MAST2: variants seen among roughly 807,000 people sequenced by gnomAD.
MAST2 encodes microtubule-associated serine/threonine-protein kinase 2.
In MAST2, 70 loss-of-function variants were observed where a neutral mutation model predicts 147.4. The ratio of observed to expected loss-of-function variants is 0.47; its 90% CI spans 0.39 to 0.58. The LOEUF (loss-of-function observed/expected upper bound fraction) is 0.58, where lower values mean the gene tolerates loss of function less well. MAST2 is among the 20% of genes least tolerant of loss of function. MAST2 has a pLI of 0.00. For missense variants in MAST2, 2,080 were observed against 2,302.3 expected (o/e 0.90, Z 1.98); for synonymous variants, 869 against 896.8 (o/e 0.97, Z 0.55).
intron 5 of MAST2, among the ~76,000 whole-genome samples, chr1:45,989,365 G>A (rs137864703): frequency 6.6e-6 from 1 of 152,142 alleles, no homozygotes. Context: ...ACTTTATCAA[G>A]TTGAGTTCAG....
rs1442315473 is a variant in MAST2, at chr1:46,032,343, T to C, written c.3353T>C (p.Leu1118Pro). ...GCTGGCAAGAAGTATGGCTTCACCC[T>C]GCGGGCCATTCGCGTCTACATGGGT... is the stretch of plus-strand genomic sequence containing the variant. ...HRAGKKYGFT[L>P]RAIRVYMGDS... The change falls in exon 25 of 29, where the codon CTG becomes CCG. Residue 1118 changes from leucine (L) to proline (P), a missense_variant. By Grantham distance (98) the Leu-to-Pro change is moderately conservative (BLOSUM62 -3). Around this residue, in one of 4 missense-constraint regions of MAST2, gnomAD observed 1,278 missense variants for 1,304.2 expected, o/e 0.98. Transcript: ENST00000361297. 1.9e-6 allele frequency: 3 copies of C among 1,614,232 alleles called. No individual in the cohort carries two copies. In the East Asian group the frequency reaches 6.7e-5, roughly 36 times the overall value.
intron 5 of MAST2, among the ~76,000 whole-genome samples, chr1:45,994,976 C>CT (rs1341983937): frequency 1.3e-5 from 2 of 151,892 alleles, no homozygotes; most frequent in Non-Finnish European, 2.9e-5. Context: ...ATATCTGGGA[C>CT]TACAGGCGCC....
At position 46,023,679 on chromosome 1, in the gene MAST2, T is replaced by G; in HGVS notation, c.1572-93T>G. 8.8e-7 allele frequency: 1 copy of G among 1,137,172 alleles called. No individual in the cohort carries two copies. Among genetic ancestry groups the G allele is most frequent in the Admixed American group, 2.1e-5 (1 of 48,504 alleles). 70.4% of individuals were successfully genotyped at this position (1,137,172 alleles called of 1,614,324 possible). A position where few individuals can be genotyped will look rare whatever the true frequency, so the allele number is the denominator to read the frequency against. ...GCCCTTGCCCCCTTGTTCTGTGCAT[T>G]AATTAAGGTGTGAGAGAAGGCAGTT... On this transcript the variant is annotated intron_variant, in intron 14 of 28. Coordinates refer to ENST00000361297, the MANE Select transcript of MAST2 (RefSeq NM_015112.3). The surrounding 1 kb of genome is among the most constrained non-coding windows in gnomAD (Gnocchi z 4.9).
At position 45,959,505 on chromosome 1, in the gene MAST2, G is replaced by A. The variant is rs748945836; in HGVS notation, c.592+28G>A. On this transcript the variant is annotated intron_variant, in intron 5 of 28. Transcript: ENST00000361297. ...GAGTGCTTGAAGGTTAAGAAAGGTT[G>A]AATGAAAGAGTGGCCACAGATGCCC... is the stretch of plus-strand genomic sequence containing the variant. 6 of 1,590,738 alleles carry A rather than the reference G, an allele frequency of 3.8e-6. No homozygotes were observed. In the African/African-American group the frequency reaches 8.1e-5, roughly 21 times the overall value.
intron 8 of MAST2, among the ~76,000 whole-genome samples, chr1:46,007,345 G>A (rs1645527905): frequency 6.6e-6 from 1 of 152,180 alleles, no homozygotes; most frequent in South Asian, 2.1e-4. Flanking sequence ...TGTAGAGATT[G>A]ATGAAGATGG....
chr1:45,867,668 G>A (rs1646210936), intron 3 of MAST2, among the ~76,000 whole-genome samples: 1 of 152,190 alleles, frequency 6.6e-6, no homozygotes, highest in Admixed American at 6.5e-5. Flanking sequence ...AGGGGTGATA[G>A]CAGTGGACGA....
chr1:46,009,204 G>A (rs1211132894), intron 9 of MAST2, among the ~76,000 whole-genome samples: 21 of 152,218 alleles, frequency 1.4e-4, no homozygotes, highest in Admixed American at 9.2e-4. Flanking sequence ...ACAGGCATGC[G>A]CCACCACGCC....
At chr1:45,873,218 G>T (rs976981283) in intron 3 of MAST2, among the ~76,000 whole-genome samples, 7 of 149,872 alleles carry the variant, frequency 4.7e-5, no homozygotes, top group Non-Finnish European at 7.4e-5. Flanking sequence ...TTTTGAGACA[G>T]GGTCTTGCTC....
chr1:46,012,117 GGT>G (rs1187241032), intron 10 of MAST2, among the ~76,000 whole-genome samples: 65 of 152,154 alleles, frequency 4.3e-4, no homozygotes, highest in Admixed American at 9.2e-4. Context: ...GAAAATCACT[GGT>G]AGCTGTTTGT....
At chr1:45,982,197 C>A (rs1481382555) in intron 5 of MAST2, among the ~76,000 whole-genome samples, 1 of 152,068 alleles carries the variant, frequency 6.6e-6, no homozygotes, top group East Asian at 1.9e-4. Flanking sequence ...ATAGAGAAAA[C>A]CCAATAAAAG....
At chr1:45,921,650 C>T (rs534497380) in intron 4 of MAST2, among the ~76,000 whole-genome samples, 1 of 152,296 alleles carries the variant, frequency 6.6e-6, no homozygotes, top group South Asian at 2.1e-4. Flanking sequence ...AAGCAACTTC[C>T]ACAGCTGGCA....
At chr1:45,827,808 T>C (rs1644838044) in intron 2 of MAST2, among the ~76,000 whole-genome samples, 1 of 152,186 alleles carries the variant, frequency 6.6e-6, no homozygotes, top group Non-Finnish European at 1.5e-5. Flanking sequence ...ACATGCATTA[T>C]GTCAAAGTGA....
intron 1 of MAST2, among the ~76,000 whole-genome samples, chr1:45,806,185 T>G: frequency 6.6e-6 from 1 of 152,340 alleles, no homozygotes. Flanking sequence ...AGCACTACTC[T>G]TTTACAGATG....
At chr1:45,912,802 TTAGAC>T (rs1012709514) in intron 4 of MAST2, among the ~76,000 whole-genome samples, 9 of 152,212 alleles carry the variant, frequency 5.9e-5, no homozygotes, top group Non-Finnish European at 1.5e-5. Context: ...ATCTCTTCCT[TTAGAC>T]TGGGAGATTG....
chr1:46,033,901 A>T lies in MAST2; in HGVS notation c.3637A>T (p.Arg1213Trp), dbSNP rs771119119. Residue 1213 changes from arginine to tryptophan, a missense_variant, in exon 27 of 29, where the codon AGG (arginine) becomes TGG (tryptophan). By Grantham distance (101) the Arg-to-Trp change is moderately radical (BLOSUM62 -3). This residue lies in a region of MAST2 where 1,278 missense variants were observed against 1,304.2 expected (regional missense o/e 0.98). Transcript: ENST00000361297. ...CAGCTACAAGGCCAAGATGGCCCGA[A>T]GGAGCAAGAGGAGCCGCGGCAAGGA... Reference protein sequence around the residue: ...KGSYKAKMARRSKRSRGKDGQ... With the variant: ...KGSYKAKMARWSKRSRGKDGQ... 1 of 1,614,198 alleles carries T rather than the reference A, an allele frequency of 6.2e-7. No homozygotes were observed. Among genetic ancestry groups the T allele is most frequent in the East Asian group, 2.2e-5 (1 of 44,884 alleles).
At chr1:45,864,198 C>T (rs930216549) in intron 3 of MAST2, among the ~76,000 whole-genome samples, 1 of 152,162 alleles carries the variant, frequency 6.6e-6, no homozygotes, top group Non-Finnish European at 1.5e-5. Context: ...ATCATTAAAG[C>T]TTGGATAAAA....
At chr1:46,002,713 A>G in intron 6 of MAST2, 92 bp from the exon 7 acceptor site, 2 of 1,074,272 alleles carry the variant, frequency 1.9e-6, no homozygotes, top group South Asian at 1.3e-5. Flanking sequence ...ACAGTGAATC[A>G]ACTGCCCCCA....
chr1:45,841,587 A>G (rs1420126502), intron 3 of MAST2, among the ~76,000 whole-genome samples: 1 of 152,204 alleles, frequency 6.6e-6, no homozygotes. Flanking sequence ...GGATTTCGCC[A>G]TGTTGTGCGG....
intron 4 of MAST2, chr1:45,917,191 T>A: frequency 3.0e-6 from 1 of 334,692 alleles, no homozygotes; most frequent in East Asian, 8.3e-5. Context: ...GTACCAACAT[T>A]GGTACTGAAG....
Sources: gnomAD v4.1 joint callset for allele counts (sites outside exome capture counted in the v4.1 genomes callset) on GRCh38, gnomAD v4.1.1 for gene constraint, gnomAD v4.1.1 regional missense constraint, Gnocchi (gnomAD v3.1) non-coding constraint, MANE v1.5 for transcripts, NCBI Gene and HGNC (gene_info 2026-07-23, HGNC 2026-07-21) for gene names.